Variants in MED27 observed in about 807,000 individuals in gnomAD.
The protein encoded by MED27 is mediator of RNA polymerase II transcription subunit 27.
MED27 carries 30 observed loss-of-function variants against 38.2 expected under a neutral mutation model. The observed-to-expected ratio is 0.79, with a 90% CI of 0.59 to 1.07. The LOEUF is 1.07. MED27 is among the 50% of genes least tolerant of loss of function. The pLI is 0.00. For missense variants in MED27, 289 were observed against 397.5 expected, an observed-to-expected ratio of 0.73 and a Z score of 2.32; for synonymous variants, 122 against 153.5, an observed-to-expected ratio of 0.79 and a Z score of 1.52.
intron 6 of MED27, among the ~76,000 whole-genome samples, chr9:131,873,392 G>A (rs750752130): frequency 3.9e-5 from 6 of 152,220 alleles, no homozygotes; most frequent in South Asian, 2.1e-4. Flanking sequence ...GTTAGGGGGC[G>A]ATGGGGAGTG....
At chr9:132,037,876 T>C (rs1279378506) in intron 2 of MED27, among the ~76,000 whole-genome samples, 2 of 152,102 alleles carry the variant, frequency 1.3e-5, no homozygotes, top group African/African-American at 4.8e-5. Flanking sequence ...CCTAGATCTC[T>C]AGATCTAGCA....
intron 2 of MED27, among the ~76,000 whole-genome samples, chr9:132,028,133 G>A (rs1427754404): frequency 4.6e-5 from 7 of 152,118 alleles, no homozygotes; most frequent in Admixed American, 4.6e-4. Flanking sequence ...CTGTTTTGAG[G>A]CCTCTTGCAC....
At chr9:131,945,487 T>C (rs918929110) in intron 3 of MED27, among the ~76,000 whole-genome samples, 10 of 152,146 alleles carry the variant, frequency 6.6e-5, no homozygotes, top group African/African-American at 2.4e-4. Flanking sequence ...AAGAATATAA[T>C]ACATTGTTAT....
intron 6 of MED27, among the ~76,000 whole-genome samples, 166 bp from the exon 7 acceptor site, chr9:131,863,306 G>C (rs1315733240): frequency 1.3e-5 from 2 of 152,204 alleles, no homozygotes; most frequent in African/African-American, 2.4e-5. Flanking sequence ...CAGAGTTGGG[G>C]ACCCAGAGGG....
At chr9:132,022,124 G>A (rs1444475001) in intron 2 of MED27, among the ~76,000 whole-genome samples, 6 of 152,102 alleles carry the variant, frequency 3.9e-5, no homozygotes, top group Non-Finnish European at 7.4e-5. Flanking sequence ...ATTGACAGGC[G>A]GTGACAATGA....
At chr9:131,957,819 C>G (rs1367794025) in intron 3 of MED27, among the ~76,000 whole-genome samples, 1 of 151,166 alleles carries the variant, frequency 6.6e-6, no homozygotes, top group Non-Finnish European at 1.5e-5. Flanking sequence ...TGGTTCACGT[C>G]TGTAATCCTA....
In MED27 at chr9:131,994,219, C is replaced by T. The variant is rs146024306; in HGVS notation, c.479+20118G>A. Among the ~76,000 whole-genome samples, 12 of 152,198 alleles carry T rather than the reference C, an allele frequency of 7.9e-5. No individual in the cohort carries two copies. The East Asian group carries it at 2.3e-3, about 29-fold the overall frequency. On this transcript the variant is annotated intron_variant, in intron 3 of 7. Coordinates refer to ENST00000292035, the MANE Select transcript of MED27 (RefSeq NM_004269.4). Reference sequence around the variant, plus strand: ...TGTTATACATTGTTTTGCTTCAAGTCGCAATTCCCAGGAACCTATCGATGA... The same window carrying T: ...TGTTATACATTGTTTTGCTTCAAGTTGCAATTCCCAGGAACCTATCGATGA...
At chr9:131,939,603 T>C in intron 3 of MED27, 129 bp from the exon 4 acceptor site, 2 of 506,098 alleles carry the variant, frequency 4.0e-6, no homozygotes, top group Non-Finnish European at 6.7e-6. Context: ...AGAAGGCAAA[T>C]AGAATTAGAA....
chr9:131,894,053 T>G, intron 4 of MED27, 61 bp from the exon 5 acceptor site: 1 of 1,373,738 alleles, frequency 7.3e-7, no homozygotes. Flanking sequence ...TGGGCAGGGG[T>G]GTGAGAAGAA....
intron 4 of MED27, among the ~76,000 whole-genome samples, chr9:131,900,398 GA>G (rs1829918086): frequency 1.3e-5 from 2 of 152,222 alleles, no homozygotes; most frequent in South Asian, 4.1e-4. Flanking sequence ...GAGGAAAGTA[GA>G]AAAAGTATTT....
chr9:131,942,969 G>A (rs899650205), intron 3 of MED27, among the ~76,000 whole-genome samples: 24 of 152,212 alleles, frequency 1.6e-4, no homozygotes, highest in African/African-American at 5.8e-4. Flanking sequence ...AATATCTGCA[G>A]TTGGCACAGG....
chr9:131,880,720 T>G (rs753177796), intron 6 of MED27, among the ~76,000 whole-genome samples: 1 of 152,148 alleles, frequency 6.6e-6, no homozygotes, highest in Non-Finnish European at 1.5e-5. Flanking sequence ...CACTTCTGCT[T>G]CAGAGTGTGT....
rs1387700169 is a variant in MED27 at position 131,907,914 on chromosome 9, C to T, written c.574-13922G>A. ...GAGCGCCTCTGCCCGGCCGCGACCC[C>T]GTCTGGAAGGTGAGGAGCGTCTCTG... On this transcript the variant is annotated intron_variant, in intron 4 of 7. Coordinates refer to ENST00000292035, the MANE Select transcript of MED27 (RefSeq NM_004269.4). Among the ~76,000 whole-genome samples the T allele has an allele frequency of 3.2e-3, 461 of 143,172 alleles. 1 individual carries two copies. The highest frequency in any genetic ancestry group is 9.0e-3 in the African/African-American group (353 of 39,232). The allele number at this position is 143,172 out of a possible 152,430, so 93.9% of individuals were successfully genotyped here. A position where few individuals can be genotyped will look rare whatever the true frequency, so the allele number is the denominator to read the frequency against.
At chr9:131,876,980 G>C (rs1303146996) in intron 6 of MED27, among the ~76,000 whole-genome samples, 3 of 152,048 alleles carry the variant, frequency 2.0e-5, no homozygotes, top group Non-Finnish European at 4.4e-5. Context: ...CTCCCTGTTG[G>C]AAAAAGTTAA....
chr9:132,073,077 T>G (rs924644775), intron 2 of MED27, among the ~76,000 whole-genome samples: 1 of 152,010 alleles, frequency 6.6e-6, no homozygotes, highest in African/African-American at 2.4e-5. Flanking sequence ...CAAGTCCCAT[T>G]AGAAGGGCAC....
chr9:131,925,867 A>C (rs1271717236), intron 4 of MED27, among the ~76,000 whole-genome samples: 2 of 152,272 alleles, frequency 1.3e-5, no homozygotes, highest in Admixed American at 1.3e-4. Context: ...TGCCCACTGC[A>C]CTATAAATAA....
intron 3 of MED27, among the ~76,000 whole-genome samples, chr9:131,964,796 A>G (rs1831306086): frequency 6.6e-6 from 1 of 152,228 alleles, no homozygotes; most frequent in Non-Finnish European, 1.5e-5. Context: ...TTTCCGATAC[A>G]AGGACATATT....
chr9:131,944,559 G>A (rs1223399955), intron 3 of MED27, among the ~76,000 whole-genome samples: 2 of 144,922 alleles, frequency 1.4e-5, no homozygotes, highest in African/African-American at 2.6e-5. Flanking sequence ...ATGGAGTCTC[G>A]CTCTGTCACC....
intron 4 of MED27, among the ~76,000 whole-genome samples, chr9:131,903,464 T>C (rs890968209): frequency 6.6e-6 from 1 of 152,156 alleles, no homozygotes; most frequent in Admixed American, 6.5e-5. Context: ...TGTTACCCCA[T>C]TAGTCCCCTC....
Sources: gnomAD v4.1 joint callset for allele counts (sites outside exome capture counted in the v4.1 genomes callset) on GRCh38, gnomAD v4.1.1 for gene constraint, MANE v1.5 for transcripts, NCBI Gene and HGNC (gene_info 2026-07-23, HGNC 2026-07-21) for gene names.